SGCG: variants seen among roughly 807,000 people sequenced by gnomAD.
SGCG encodes gamma-sarcoglycan.
In SGCG, 26 loss-of-function variants were observed where a neutral mutation model predicts 29.3. The observed-to-expected ratio is 0.89, with a 90% CI of 0.65 to 1.23. The LOEUF is 1.23. Among genes scored for constraint, SGCG ranks in the 50% most tolerant of loss-of-function variants. The pLI, the probability that SGCG is intolerant of heterozygous loss-of-function variation, is 0.00. For missense variants in SGCG, 353 were observed against 356.0 expected (o/e 0.99, Z 0.07); for synonymous variants, 145 against 129.7 (o/e 1.12, Z -0.80).
At chr13:23,322,771 T>TCCCCC (rs79538128) in intron 7 of SGCG, among the ~76,000 whole-genome samples, 1 of 59,856 alleles carries the variant, frequency 1.7e-5, no homozygotes, top group Admixed American at 1.9e-4. Flanking sequence ...CCCATCCACC[T>TCCCCC]CCCCCCCCCC....
chr13:23,181,254 C>T lies in SGCG; in HGVS notation c.-1+179C>T, dbSNP rs1038545148. 1.6e-4 allele frequency among the ~76,000 whole-genome samples: 25 copies of T among 152,252 alleles called. 1 individual carries two copies. The highest frequency in any genetic ancestry group is 3.4e-3 in the Middle Eastern group (1 of 294). On this transcript the variant is annotated intron_variant, in intron 1 of 7. Transcript: ENST00000218867. ...ACATATCAAGTATCAATGAAATTCT[C>T]ATTTCAACTAAGTTATTCTGACTAC...
intron 1 of SGCG, among the ~76,000 whole-genome samples, chr13:23,184,507 G>A (rs1876891345): frequency 1.3e-5 from 2 of 152,258 alleles, no homozygotes; most frequent in African/African-American, 4.8e-5. Context: ...AACTTCATGT[G>A]TAATTTTAAT....
intron 1 of SGCG, among the ~76,000 whole-genome samples, chr13:23,196,153 C>T (rs1236204149): frequency 2.6e-5 from 4 of 152,034 alleles, no homozygotes; most frequent in African/African-American, 9.7e-5. Flanking sequence ...ACCCAAAATA[C>T]TAATTTTGTA....
intron 5 of SGCG, 107 bp downstream of exon 5, chr13:23,279,585 G>A (rs1881223761): frequency 7.1e-6 from 8 of 1,119,034 alleles, no homozygotes; most frequent in Non-Finnish European, 2.6e-6. Flanking sequence ...AGATAAGAGA[G>A]TTTGAATGTG....
rs762947838 is a variant in SGCG, at chr13:23,316,944, T to C, written c.579-3693T>C. Among the ~76,000 whole-genome samples the C allele has an allele frequency of 2.2e-4, 33 of 152,254 alleles. 1 individual carries two copies. The highest frequency in any genetic ancestry group is 6.5e-4 in the Admixed American group (10 of 15,300). On this transcript the variant is annotated intron_variant, in intron 6 of 7. Coordinates refer to ENST00000218867, the MANE Select transcript of SGCG (RefSeq NM_000231.3). ...TCATTTGGCCGGGCGCGGTGGCTCA[T>C]GCCTGTAATCCCAGCACTTTGGGAG...
intron 1 of SGCG, among the ~76,000 whole-genome samples, chr13:23,192,092 G>A (rs1249159139): frequency 3.3e-5 from 5 of 151,158 alleles, no homozygotes; most frequent in African/African-American, 9.7e-5. Context: ...GCAGAATGAC[G>A]TGAACCCGGG....
chr13:23,204,153 A>T (rs1471821785), intron 2 of SGCG, among the ~76,000 whole-genome samples: 1 of 151,084 alleles, frequency 6.6e-6, no homozygotes, highest in African/African-American at 2.5e-5. Flanking sequence ...ATATTGTAAT[A>T]GTCTTTAGTT....
intron 2 of SGCG, among the ~76,000 whole-genome samples, chr13:23,207,011 T>G (rs1878004643): frequency 6.6e-6 from 1 of 151,442 alleles, no homozygotes; most frequent in African/African-American, 2.4e-5. Flanking sequence ...AACAGCCAAA[T>G]CAGTCTTGAG....
At chr13:23,225,364 T>C (rs1031068621) in intron 2 of SGCG, among the ~76,000 whole-genome samples, 2 of 152,252 alleles carry the variant, frequency 1.3e-5, no homozygotes, top group Admixed American at 6.5e-5. Context: ...TTCCCACTTA[T>C]AATTATTTCG....
intron 5 of SGCG, among the ~76,000 whole-genome samples, chr13:23,293,762 C>T (rs754899648): frequency 2.0e-5 from 3 of 150,530 alleles, no homozygotes; most frequent in Non-Finnish European, 4.4e-5. Flanking sequence ...AACTGGGAGG[C>T]GGAGATTGCA....
upstream of SGCG, among the ~76,000 whole-genome samples, chr13:23,176,751 G>A (rs565615241): frequency 2.0e-5 from 3 of 152,196 alleles, no homozygotes; most frequent in African/African-American, 7.2e-5. Flanking sequence ...GATAGGTAAG[G>A]ACTTATTCCT....
rs111339700 is a variant in SGCG at position 23,194,879 on chromosome 13, G to T, written c.1-8816G>T. 1.5e-4 allele frequency among the ~76,000 whole-genome samples: 23 copies of T among 152,306 alleles called. 1 individual carries two copies. Among genetic ancestry groups the T allele is most frequent in the African/African-American group, 4.3e-4 (18 of 41,562 alleles). On this transcript the variant is annotated intron_variant, in intron 1 of 7. Coordinates refer to ENST00000218867, the MANE Select transcript of SGCG (RefSeq NM_000231.3). Reference sequence around the variant, plus strand: ...CAGAAGAAAAAAGTAGACATCGACTGTAATAGGACACAGAAGAAAACAGTA... The same window carrying T: ...CAGAAGAAAAAAGTAGACATCGACTTTAATAGGACACAGAAGAAAACAGTA...
intron 6 of SGCG, among the ~76,000 whole-genome samples, chr13:23,318,983 G>T (rs1882930839): frequency 6.6e-6 from 1 of 152,198 alleles, no homozygotes; most frequent in African/African-American, 2.4e-5. Flanking sequence ...CAAGAAAAAT[G>T]TAGACAATTA....
chr13:23,192,977 A>C (rs1052573992), intron 1 of SGCG, among the ~76,000 whole-genome samples: 4 of 152,214 alleles, frequency 2.6e-5, no homozygotes, highest in Non-Finnish European at 5.9e-5. Flanking sequence ...CCAGGCAATA[A>C]AAAGTAAACA....
chr13:23,272,484 GAATA>G (rs1880908690), intron 4 of SGCG, among the ~76,000 whole-genome samples: 5 of 152,106 alleles, frequency 3.3e-5, no homozygotes, highest in Admixed American at 3.3e-4. Flanking sequence ...TGCATTCCTG[GAATA>G]AATCTCACTT....
chr13:23,316,133 C>T (rs1459648010), intron 6 of SGCG, among the ~76,000 whole-genome samples: 1 of 152,140 alleles, frequency 6.6e-6, no homozygotes, highest in Admixed American at 6.5e-5. Context: ...TAGCAGAGAC[C>T]AACACTGAGC....
chr13:23,219,618 T>A (rs995597949), intron 2 of SGCG, among the ~76,000 whole-genome samples: 1 of 152,212 alleles, frequency 6.6e-6, no homozygotes, highest in East Asian at 1.9e-4. Flanking sequence ...TGAGAGGATT[T>A]TAAATGTTCT....
chr13:23,310,752 T>TACCC (rs1882565384), intron 6 of SGCG, among the ~76,000 whole-genome samples: 1 of 152,278 alleles, frequency 6.6e-6, no homozygotes, highest in African/African-American at 2.4e-5. Context: ...CCAATAGTTC[T>TACCC]ATTTTTATTC....
At chr13:23,285,918 CT>C (rs1881480468) in intron 5 of SGCG, among the ~76,000 whole-genome samples, 1 of 152,190 alleles carries the variant, frequency 6.6e-6, no homozygotes, top group Admixed American at 6.5e-5. Flanking sequence ...CCTGCTTTGG[CT>C]CACCCTCCGT....
Sources: gnomAD v4.1 joint callset for allele counts (sites outside exome capture counted in the v4.1 genomes callset) on GRCh38, gnomAD v4.1.1 for gene constraint, MANE v1.5 for transcripts, NCBI Gene and HGNC (gene_info 2026-07-23, HGNC 2026-07-21) for gene names.